Variants in GPX5 observed in about 807,000 individuals in gnomAD.
GPX5 encodes the protein glutathione peroxidase 5, also known as epididymal secretory glutathione peroxidase.
In GPX5, 20 loss-of-function variants were observed where a neutral mutation model predicts 23.8. The ratio of observed to expected loss-of-function variants is 0.84; its 90% CI spans 0.59 to 1.22. GPX5 has a LOEUF of 1.22. Ranked by LOEUF, GPX5 falls within the 50% of genes most tolerant of loss-of-function variation. GPX5 has a pLI of 0.00. For synonymous variants in GPX5, 92 were observed against 99.5 expected, an observed-to-expected ratio of 0.92 and a Z score of 0.45; for missense variants, 230 against 266.6, an observed-to-expected ratio of 0.86 and a Z score of 0.96.
intron 3 of GPX5, 31 bp downstream of exon 3, chr6:28,531,926 C>G (rs372464657): frequency 2.0e-6 from 3 of 1,464,078 alleles, no homozygotes; most frequent in Non-Finnish European, 2.9e-6. Context: ...CAATAGGAGG[C>G]GCCTGTGTAC....
chr6:28,534,004 C>G lies in GPX5; in HGVS notation c.503C>G (p.Ser168Cys). 6.2e-7 allele frequency: 1 copy of G among 1,606,710 alleles called. No individual in the cohort carries two copies. Among genetic ancestry groups the G allele is most frequent in the Non-Finnish European group, 8.5e-7 (1 of 1,176,770 alleles). Residue 168 changes from serine to cysteine, a missense_variant, in exon 5 of 5, where the codon TCT (serine) becomes TGT (cysteine). Transcript: ENST00000412168. ...TCTGAGATTTTGGGCACATTCAAAT[C>G]TATATCCTGGGACCCTGTAAAGGTC... ...HPSEILGTFK[S>C]ISWDPVKVHD...
At chr6:28,532,123 G>A (rs1372776208) in intron 3 of GPX5, among the ~76,000 whole-genome samples, 198 bp from the exon 4 acceptor site, 1 of 152,082 alleles carries the variant, frequency 6.6e-6, no homozygotes. Context: ...AAGGGATGGA[G>A]GAAAAGAGAC....
intron 1 of GPX5, chr6:28,528,082 G>A (rs1173137525): frequency 6.6e-6 from 1 of 152,180 alleles, no homozygotes; most frequent in Non-Finnish European, 1.5e-5. Context: ...GAGCACAATG[G>A]GCTGATGAGC....
At chr6:28,526,789 T>A (rs1273813865) in intron 1 of GPX5, among the ~76,000 whole-genome samples, 1 of 152,244 alleles carries the variant, frequency 6.6e-6, no homozygotes, top group Non-Finnish European at 1.5e-5. Context: ...AGGCAAACTT[T>A]CATTTACATA....
At chr6:28,532,928 G>A (rs1763354781) in intron 4 of GPX5, among the ~76,000 whole-genome samples, 2 of 152,082 alleles carry the variant, frequency 1.3e-5, no homozygotes, top group Admixed American at 1.3e-4. Context: ...AGACTAGCCT[G>A]AGCAACATAG....
In GPX5 at chr6:28,525,918, TG is replaced by T; in HGVS notation, c.-91del. On this transcript the variant is annotated 5_prime_UTR_variant, in exon 1 of 5. It removes the in-frame stop codon of an upstream open reading frame in the 5' UTR. Coordinates refer to ENST00000412168, the MANE Select transcript of GPX5 (RefSeq NM_001509.3). ...TCCTTGCAGCCCTGTGACTGGCCTG[TG>T]GGGGCTTGGGCTAAGTCCCTGCCAA... 4.6e-6 allele frequency: 4 copies of T among 878,820 alleles called. No homozygotes were observed. The highest frequency in any genetic ancestry group is 7.6e-6 in the Non-Finnish European group (4 of 524,170). 54.4% of individuals were successfully genotyped at this position (878,820 alleles called of 1,614,324 possible).
In GPX5 at chr6:28,534,048, T is replaced by G; in HGVS notation, c.547T>G (p.Phe183Val). The change falls in exon 5 of 5, where the codon TTT (phenylalanine) becomes GTT (valine). Residue 183 changes from phenylalanine to valine, a missense_variant. Coordinates refer to ENST00000412168, the MANE Select transcript of GPX5 (RefSeq NM_001509.3). ...PVKVHDIRWN[F>V]EKFLVGPDGI... is the part of the protein sequence containing the mutation. ...AAAGGTCCATGACATCCGTTGGAAC[T>G]TTGAAAAGTTCCTGGTGGGGCCTGA... 6.2e-7 allele frequency: 1 copy of G among 1,611,744 alleles called. No individual in the cohort carries two copies. The highest frequency in any genetic ancestry group is 8.5e-7 in the Non-Finnish European group (1 of 1,179,062).
intron 4 of GPX5, among the ~76,000 whole-genome samples, chr6:28,533,674 G>A (rs1472760452): frequency 1.3e-5 from 2 of 152,148 alleles, no homozygotes; most frequent in African/African-American, 4.8e-5. Flanking sequence ...TTACTTTGAA[G>A]AAAAGGAAAC....
intron 4 of GPX5, among the ~76,000 whole-genome samples, 183 bp from the exon 5 acceptor site, chr6:28,533,778 A>G (rs1472873306): frequency 6.6e-6 from 1 of 152,196 alleles, no homozygotes; most frequent in Non-Finnish European, 1.5e-5. Flanking sequence ...TTTTGCTATA[A>G]TATCTATAAT....
intron 1 of GPX5, among the ~76,000 whole-genome samples, chr6:28,527,375 A>G (rs1017270719): frequency 6.6e-6 from 1 of 152,232 alleles, no homozygotes; most frequent in Admixed American, 6.5e-5. Context: ...GTGCATGTAT[A>G]TATGTATAAA....
chr6:28,529,418 T>C, intron 1 of GPX5, 33 bp from the exon 2 acceptor site: 1 of 1,552,688 alleles, frequency 6.4e-7, no homozygotes, highest in Non-Finnish European at 8.8e-7. Context: ...GAATTATTGT[T>C]ACCAGTATTA....
intron 2 of GPX5, among the ~76,000 whole-genome samples, chr6:28,531,397 AAG>A (rs1460156564): frequency 4.3e-5 from 4 of 92,218 alleles, no homozygotes; most frequent in African/African-American, 1.7e-4. Flanking sequence ...AAAAAAAGAA[AAG>A]AAAAGAAAAG....
intron 1 of GPX5, among the ~76,000 whole-genome samples, chr6:28,526,632 G>A (rs1223859695): frequency 1.3e-5 from 2 of 152,190 alleles, no homozygotes; most frequent in Admixed American, 1.3e-4. Flanking sequence ...CAGGCATCTT[G>A]GATTCTGGCC....
chr6:28,527,228 G>C (rs1044342469), intron 1 of GPX5: 1 of 152,014 alleles, frequency 6.6e-6, no homozygotes, highest in African/African-American at 2.4e-5. Flanking sequence ...ACATGACTGT[G>C]AGTGATTGTC....
chr6:28,533,415 T>C (rs545663568), intron 4 of GPX5, among the ~76,000 whole-genome samples: 1 of 152,136 alleles, frequency 6.6e-6, no homozygotes, highest in Non-Finnish European at 1.5e-5. Context: ...AAGAACAGTG[T>C]GGGAAGTTTT....
At chr6:28,530,935 A>T (rs1195795976) in intron 2 of GPX5, among the ~76,000 whole-genome samples, 2 of 152,210 alleles carry the variant, frequency 1.3e-5, no homozygotes, top group African/African-American at 4.8e-5. Flanking sequence ...AAAGAAGATG[A>T]TTATAAAAGT....
chr6:28,526,797 A>G (rs1365068907), intron 1 of GPX5, among the ~76,000 whole-genome samples: 1 of 152,250 alleles, frequency 6.6e-6, no homozygotes, highest in Admixed American at 6.5e-5. Flanking sequence ...TTTCATTTAC[A>G]TAATGGGTTA....
intron 1 of GPX5, among the ~76,000 whole-genome samples, chr6:28,526,590 A>G (rs1186499235): frequency 6.6e-6 from 1 of 152,202 alleles, no homozygotes; most frequent in Non-Finnish European, 1.5e-5. Flanking sequence ...TGAAAAAAAA[A>G]ATCAGAGCCC....
rs1763203990 is a variant in GPX5 at position 28,526,106 on chromosome 6, T to C, written c.87+6T>C. 10 of 1,608,904 alleles carry C rather than the reference T, an allele frequency of 6.2e-6. No individual in the cohort carries two copies. Among genetic ancestry groups the C allele is most frequent in the African/African-American group, 1.3e-5 (1 of 74,778 alleles). Reference sequence around the variant, plus strand: ...CCAAGCAGGAGAAGATGAAGGTGAGTGAGCTTCAGAGAGGGCATGGTAGTT... The same window carrying C: ...CCAAGCAGGAGAAGATGAAGGTGAGCGAGCTTCAGAGAGGGCATGGTAGTT... On this transcript the variant is annotated splice_donor_region_variant and intron_variant, in intron 1 of 4. Coordinates refer to ENST00000412168, the MANE Select transcript of GPX5 (RefSeq NM_001509.3).
Sources: gnomAD v4.1 joint callset for allele counts (sites outside exome capture counted in the v4.1 genomes callset) on GRCh38, gnomAD v4.1.1 for gene constraint, MANE v1.5 for transcripts, NCBI Gene and HGNC (gene_info 2026-07-23, HGNC 2026-07-21) for gene names.